Variants in WDR82 observed in about 807,000 individuals in gnomAD.
The protein encoded by WDR82 is WD repeat domain 82.
WDR82 carries 8 observed loss-of-function variants against 36.1 expected under a neutral mutation model. The observed-to-expected ratio is 0.22, with a 90% confidence interval of 0.13 to 0.40. The LOEUF (loss-of-function observed/expected upper bound fraction) is 0.40, where lower values mean the gene tolerates loss of function less well. WDR82 is among the 10% of genes least tolerant of loss of function. The pLI is 1.00. For synonymous variants in WDR82, 129 were observed against 137.8 expected, an observed-to-expected ratio of 0.94 and a Z score of 0.45; for missense variants, 185 against 400.5, an observed-to-expected ratio of 0.46 and a Z score of 4.59.
intron 7 of WDR82, 108 bp from the exon 8 acceptor site, chr3:52,258,786 T>C (rs1025438770): frequency 9.4e-6 from 14 of 1,487,446 alleles, no homozygotes; most frequent in Non-Finnish European, 1.3e-5. Flanking sequence ...TTAGGACCCA[T>C]CCCTCAGGCA....
rs1700227560 is a variant in WDR82, at chr3:52,278,417, A to G, written c.-56T>C. ...AGGGCCGGGGCGGGGCCCGGCGGCG[A>G]GCGGGCGGGCTGCCGAGGGGCCAAC... is the stretch of plus-strand genomic sequence containing the variant. On this transcript the variant is annotated 5_prime_UTR_variant, in exon 1 of 9. Coordinates refer to ENST00000296490, the MANE Select transcript of WDR82 (RefSeq NM_025222.4). 4.8e-6 allele frequency: 6 copies of G among 1,238,946 alleles called. No homozygotes were observed. The highest frequency in any genetic ancestry group is 6.1e-6 in the Non-Finnish European group (6 of 987,936). 76.7% of individuals were successfully genotyped at this position (1,238,946 alleles called of 1,614,324 possible).
chr3:52,272,371 C>T (rs917509758), intron 1 of WDR82, among the ~76,000 whole-genome samples: 4 of 151,964 alleles, frequency 2.6e-5, no homozygotes, highest in South Asian at 2.1e-4. Context: ...TGGCGAAACG[C>T]TATCTCTACT....
chr3:52,271,617 C>T (rs7629072), intron 1 of WDR82, among the ~76,000 whole-genome samples: 79,202 of 151,578 alleles, frequency 0.52, 21,170 homozygotes, highest in African/African-American at 0.62. Flanking sequence ...GGCAGTGATT[C>T]CTCAAAACTG....
intron 1 of WDR82, among the ~76,000 whole-genome samples, chr3:52,275,524 T>C (rs1700195211): frequency 1.3e-5 from 2 of 152,254 alleles, no homozygotes; most frequent in Admixed American, 6.5e-5. Context: ...TGTAGTATTG[T>C]ATCAGTACTA....
At chr3:52,260,591 A>G in intron 4 of WDR82, 90 bp from the exon 5 acceptor site, 1 of 831,564 alleles carries the variant, frequency 1.2e-6, no homozygotes, top group Non-Finnish European at 1.8e-6. Flanking sequence ...ATGGGGAAAA[A>G]AAAATGAATC....
intron 3 of WDR82, among the ~76,000 whole-genome samples, chr3:52,263,301 G>C (rs1447506746): frequency 6.6e-6 from 1 of 152,166 alleles, no homozygotes; most frequent in Non-Finnish European, 1.5e-5. Flanking sequence ...GACTCCAAGA[G>C]GACCAGAGAA....
At chr3:52,272,745 G>C (rs150371962) in intron 1 of WDR82, among the ~76,000 whole-genome samples, 7 of 152,270 alleles carry the variant, frequency 4.6e-5, no homozygotes, top group African/African-American at 1.7e-4. Context: ...GAAAAGGAAA[G>C]CTAATCCTCT....
At chr3:52,273,431 TA>T (rs879916843) in intron 1 of WDR82, among the ~76,000 whole-genome samples, 305 of 129,472 alleles carry the variant, frequency 2.4e-3, no homozygotes, top group Admixed American at 2.4e-3. Flanking sequence ...AACTCCGTCT[TA>T]AAAAAAAAAA....
At chr3:52,264,238 C>T (rs1348011674) in intron 3 of WDR82, among the ~76,000 whole-genome samples, 6 of 152,090 alleles carry the variant, frequency 3.9e-5, no homozygotes, top group African/African-American at 7.2e-5. Flanking sequence ...GCTAAAAATA[C>T]TGATTTGGGA....
intron 4 of WDR82, among the ~76,000 whole-genome samples, 171 bp from the exon 5 acceptor site, chr3:52,260,672 C>T (rs1483123934): frequency 6.6e-6 from 1 of 152,104 alleles, no homozygotes; most frequent in East Asian, 1.9e-4. Context: ...AAATATCAGC[C>T]TACCTACAGA....
chr3:52,278,457 C>A lies in WDR82; in HGVS notation c.-96G>T. Reference sequence around the variant, plus strand: ...GAGGGGCCAACCCAGGCGGGGCGGGCGCCGCGCCGGCGGCTAGCGGGAAGT... The same window carrying A: ...GAGGGGCCAACCCAGGCGGGGCGGGAGCCGCGCCGGCGGCTAGCGGGAAGT... On this transcript the variant is annotated 5_prime_UTR_variant, in exon 1 of 9. Coordinates refer to ENST00000296490, the MANE Select transcript of WDR82 (RefSeq NM_025222.4). The A allele has an allele frequency of 9.2e-7, 1 of 1,089,738 alleles. No homozygotes were observed. The highest frequency in any genetic ancestry group is 1.1e-6 in the Non-Finnish European group (1 of 878,222). 67.5% of individuals were successfully genotyped at this position (1,089,738 alleles called of 1,614,324 possible).
intron 2 of WDR82, chr3:52,268,300 G>A: frequency 2.1e-6 from 1 of 472,042 alleles, no homozygotes. Flanking sequence ...GGCCTGTACA[G>A]TTATCTCCTG....
rs1559451331 is a variant in WDR82, at chr3:52,255,557, G to A, written c.*1933C>T. The A allele has an allele frequency of 6.6e-6, 1 of 151,994 alleles. No homozygotes were observed. The highest frequency in any genetic ancestry group is 1.5e-5 in the Non-Finnish European group (1 of 68,032). 9.4% of individuals were successfully genotyped at this position (151,994 alleles called of 1,614,324 possible). A position where few individuals can be genotyped will look rare whatever the true frequency, so the allele number is the denominator to read the frequency against. ...TCCTGCAGATTCTAGTCTACATTTG[G>A]GAAAGGTGTACGCCTCTTGCACTTT... On this transcript the variant is annotated 3_prime_UTR_variant, in exon 9 of 9. Transcript: ENST00000296490.
Position 52,270,702 on chromosome 3 carries a change from G to A in WDR82, c.259+10C>T. On this transcript the variant is annotated intron_variant, in intron 2 of 8. Coordinates refer to ENST00000296490, the MANE Select transcript of WDR82 (RefSeq NM_025222.4). ...ACCATGACCTTAACTTCCTAAAAAG[G>A]CTTGCTTACCGTCTATTTTGTTAGA... 6.2e-7 allele frequency: 1 copy of A among 1,601,324 alleles called. No individual in the cohort carries two copies.
intron 3 of WDR82, among the ~76,000 whole-genome samples, chr3:52,266,446 A>G (rs2049279473): frequency 6.6e-6 from 1 of 152,032 alleles, no homozygotes; most frequent in Non-Finnish European, 1.5e-5. Flanking sequence ...ATATATACAT[A>G]TATATCTTTG....
chr3:52,256,758 G>A lies in WDR82; in HGVS notation c.*732C>T, dbSNP rs1283834764. The A allele has an allele frequency of 1.3e-5, 2 of 153,540 alleles. No homozygotes were observed. Among genetic ancestry groups the A allele is most frequent in the African/African-American group, 4.8e-5 (2 of 41,428 alleles). The allele number at this position is 153,540 out of a possible 1,614,324, so 9.5% of individuals were successfully genotyped here. On this transcript the variant is annotated 3_prime_UTR_variant, in exon 9 of 9. Coordinates refer to ENST00000296490, the MANE Select transcript of WDR82 (RefSeq NM_025222.4). ...GCTGCTGCTAAACCTTCCAGCCCTA[G>A]GAACTCACCTGCTACCCTCCCGCTA...
At chr3:52,263,631 T>C (rs1432601690) in intron 3 of WDR82, among the ~76,000 whole-genome samples, 1 of 152,198 alleles carries the variant, frequency 6.6e-6, no homozygotes, top group South Asian at 2.1e-4. Context: ...AAGTGACACA[T>C]GAGGTTAAAC....
chr3:52,277,942 G>C (rs1700221463), intron 1 of WDR82, among the ~76,000 whole-genome samples: 1 of 152,210 alleles, frequency 6.6e-6, no homozygotes, highest in East Asian at 1.9e-4. Context: ...GTGGGGTTTG[G>C]CAAGTGATGC....
chr3:52,257,828 T>A (rs1040615712), intron 8 of WDR82, among the ~76,000 whole-genome samples: 2 of 152,064 alleles, frequency 1.3e-5, no homozygotes, highest in Non-Finnish European at 2.9e-5. Flanking sequence ...AAGTAACCTG[T>A]CCTCATTGCT....
Sources: gnomAD v4.1 joint callset for allele counts (sites outside exome capture counted in the v4.1 genomes callset) on GRCh38, gnomAD v4.1.1 for gene constraint, MANE v1.5 for transcripts, NCBI Gene and HGNC (gene_info 2026-07-23, HGNC 2026-07-21) for gene names.